Variants in PCSK5 observed in about 807,000 individuals in gnomAD.
PCSK5 encodes the protein proprotein convertase subtilisin/kexin type 5.
In PCSK5, 129 loss-of-function variants were observed where a neutral mutation model predicts 233.2. The observed-to-expected ratio is 0.55, with a 90% CI of 0.48 to 0.64. The LOEUF is 0.64. Ranked by LOEUF, PCSK5 falls within the 30% of genes least tolerant of loss-of-function variation. The probability of loss-of-function intolerance (pLI) is 0.00; values close to 1 mark genes in which losing one functional copy is unlikely to be tolerated. For synonymous variants in PCSK5, 825 were observed against 879.2 expected, an observed-to-expected ratio of 0.94 and a Z score of 1.09; for missense variants, 2,076 against 2,430.1, an observed-to-expected ratio of 0.85 and a Z score of 3.06.
At chr9:76,287,008 T>G (rs1305260164) in intron 24 of PCSK5, 1 of 179,782 alleles carries the variant, frequency 5.6e-6, no homozygotes, top group Non-Finnish European at 1.2e-5. Context: ...TCTAAATAGG[T>G]AGAGATTATT....
At position 76,332,627 on chromosome 9, in the gene PCSK5, T is replaced by C. The variant is rs2131483884; in HGVS notation, c.4748+17T>C. ...CAGGGAAGGGTAAGTGCTCAATACA[T>C]TTTCCCCCATGTAATTTCACAGCCA... On this transcript the variant is annotated intron_variant, in intron 34 of 37. Coordinates refer to ENST00000674117, the MANE Select transcript of PCSK5 (RefSeq NM_001372043.1). 1 of 1,526,416 alleles carries C rather than the reference T, an allele frequency of 6.6e-7. No homozygotes were observed. Among genetic ancestry groups the C allele is most frequent in the East Asian group, 2.4e-5 (1 of 41,202 alleles). The allele number at this position is 1,526,416 out of a possible 1,614,324, so 94.6% of individuals were successfully genotyped here.
chr9:76,102,349 A>G (rs1199412127), intron 8 of PCSK5, among the ~76,000 whole-genome samples: 1 of 151,262 alleles, frequency 6.6e-6, no homozygotes, highest in Non-Finnish European at 1.5e-5. Flanking sequence ...ATATCATTTT[A>G]TATGGACACA....
chr9:75,910,220 G>A (rs1822665276), intron 1 of PCSK5, among the ~76,000 whole-genome samples: 1 of 152,180 alleles, frequency 6.6e-6, no homozygotes, highest in Admixed American at 6.5e-5. Context: ...ACTAAGATAT[G>A]TGGTGAAAGG....
At chr9:76,156,896 A>G (rs1009388866) in intron 10 of PCSK5, 149 bp from the exon 11 acceptor site, 2 of 653,330 alleles carry the variant, frequency 3.1e-6, no homozygotes, top group Non-Finnish European at 5.6e-6. Flanking sequence ...TGACATGACT[A>G]TGTATTTGTT....
chr9:75,929,845 T>C (rs541355340), intron 1 of PCSK5, among the ~76,000 whole-genome samples: 1 of 150,462 alleles, frequency 6.6e-6, no homozygotes, highest in East Asian at 2.0e-4. Context: ...TTTCCCCTTA[T>C]AAAACTGTCA....
intron 35 of PCSK5, 46 bp from the exon 36 acceptor site, chr9:76,350,782 T>G: frequency 8.8e-7 from 1 of 1,137,772 alleles, no homozygotes; most frequent in Non-Finnish European, 1.3e-6. Flanking sequence ...AGACAGAAGT[T>G]GAAATCTAAG....
intron 5 of PCSK5, among the ~76,000 whole-genome samples, chr9:76,061,696 TC>T (rs144614778): frequency 0.085 from 12,890 of 152,242 alleles, 625 homozygotes; most frequent in African/African-American, 0.12. Context: ...TTTACAGTAA[TC>T]TATTTTATAT....
intron 2 of PCSK5, among the ~76,000 whole-genome samples, chr9:75,973,551 T>TAG (rs1825890185): frequency 6.6e-6 from 1 of 152,198 alleles, no homozygotes; most frequent in Non-Finnish European, 1.5e-5. Context: ...CTGTGGGGAC[T>TAG]AGAGAAACTT....
intron 24 of PCSK5, among the ~76,000 whole-genome samples, chr9:76,273,233 A>T (rs1487630241): frequency 6.6e-6 from 1 of 152,112 alleles, no homozygotes; most frequent in East Asian, 1.9e-4. Flanking sequence ...CTCTCCCTAC[A>T]CACATACACA....
chr9:76,081,323 C>T (rs1830825688), intron 7 of PCSK5, among the ~76,000 whole-genome samples: 1 of 151,740 alleles, frequency 6.6e-6, no homozygotes, highest in Non-Finnish European at 1.5e-5. Flanking sequence ...GCGTGGTAGC[C>T]CACACCTGTA....
chr9:76,322,337 G>C (rs971538843), intron 31 of PCSK5, among the ~76,000 whole-genome samples: 4 of 152,154 alleles, frequency 2.6e-5, no homozygotes, highest in Admixed American at 6.6e-5. Flanking sequence ...TTGTTAAAAA[G>C]GATAGGAAAG....
chr9:76,045,439 C>T (rs964569651), intron 5 of PCSK5, among the ~76,000 whole-genome samples: 1 of 152,170 alleles, frequency 6.6e-6, no homozygotes, highest in Non-Finnish European at 1.5e-5. Context: ...TTTAGATTCT[C>T]AGCTACCCCA....
intron 3 of PCSK5, among the ~76,000 whole-genome samples, chr9:75,995,242 T>C (rs556839912): frequency 1.3e-5 from 2 of 152,340 alleles, no homozygotes; most frequent in South Asian, 4.1e-4. Context: ...ATGTGATAAC[T>C]ATCCTTCCCA....
intron 30 of PCSK5, among the ~76,000 whole-genome samples, chr9:76,317,512 C>A (rs972583235): frequency 1.3e-5 from 2 of 152,208 alleles, no homozygotes; most frequent in African/African-American, 4.8e-5. Flanking sequence ...AATTAAAACA[C>A]CAAGTAAAAA....
intron 1 of PCSK5, among the ~76,000 whole-genome samples, chr9:75,900,008 C>T (rs1825958282): frequency 6.6e-6 from 1 of 152,106 alleles, no homozygotes; most frequent in Admixed American, 6.6e-5. Flanking sequence ...AGCACCAATG[C>T]TTGATTGAAT....
intron 1 of PCSK5, among the ~76,000 whole-genome samples, chr9:75,915,933 C>T (rs1241855025): frequency 2.0e-5 from 3 of 152,168 alleles, no homozygotes; most frequent in East Asian, 1.9e-4. Context: ...AATATCACTT[C>T]TAACTTTCTA....
Position 76,026,827 on chromosome 9 carries a change from C to T in PCSK5, c.556-134C>T, listed in dbSNP as rs1463457243. On this transcript the variant is annotated intron_variant, in intron 4 of 37. Coordinates refer to ENST00000674117, the MANE Select transcript of PCSK5 (RefSeq NM_001372043.1). ...CCTAAGGCATCCTGACACCACTGAA[C>T]CGTGAGGTGAGCGTATTAGTTAACC... The T allele has an allele frequency of 1.7e-5, 10 of 587,638 alleles. No homozygotes were observed. In the East Asian group the frequency reaches 2.6e-4, roughly 16 times the overall value. 36.4% of individuals were successfully genotyped at this position (587,638 alleles called of 1,614,324 possible). A position where few individuals can be genotyped will look rare whatever the true frequency, so the allele number is the denominator to read the frequency against.
intron 3 of PCSK5, among the ~76,000 whole-genome samples, chr9:76,011,318 G>T (rs950383680): frequency 2.6e-5 from 4 of 152,182 alleles, no homozygotes; most frequent in Admixed American, 6.5e-5. Flanking sequence ...TTGCCACTGT[G>T]CAAGAAGCCC....
intron 25 of PCSK5, 75 bp from the exon 26 acceptor site, chr9:76,295,200 A>G: frequency 7.5e-7 from 1 of 1,327,018 alleles, no homozygotes; most frequent in Non-Finnish European, 1.0e-6. Flanking sequence ...ATAGACATAC[A>G]TAAGGAGATT....
Sources: allele counts gnomAD v4.1 joint callset (sites outside exome capture counted in the v4.1 genomes callset), GRCh38; gene constraint gnomAD v4.1.1; transcripts MANE v1.5; gene names NCBI Gene and HGNC (gene_info 2026-07-23, HGNC 2026-07-21).